The following LRRC74A variants were observed in gnomAD, a reference collection of about 807,000 sequenced individuals.
The protein encoded by LRRC74A is leucine rich repeat containing 74A.
A neutral mutation model predicts 57.9 loss-of-function variants in LRRC74A; 44 were observed. The ratio of observed to expected loss-of-function variants is 0.76; its 90% CI spans 0.60 to 0.98. The LOEUF (loss-of-function observed/expected upper bound fraction) is 0.98. Ranked by LOEUF, LRRC74A falls within the 50% of genes least tolerant of loss-of-function variation. LRRC74A has a pLI of 0.00. For missense variants in LRRC74A, 572 were observed against 574.0 expected, an observed-to-expected ratio of 1.00 and a Z score of 0.04; for synonymous variants, 211 against 219.4, an observed-to-expected ratio of 0.96 and a Z score of 0.34.
At chr14:76,840,540 C>T in intron 5 of LRRC74A, among the ~76,000 whole-genome samples, 1 of 150,458 alleles carries the variant, frequency 6.6e-6, no homozygotes. Flanking sequence ...TATAGGTTTC[C>T]TTCTAGAGTC....
intron 6 of LRRC74A, 66 bp downstream of exon 6, chr14:76,844,538 GC>G: frequency 6.8e-7 from 1 of 1,481,098 alleles, no homozygotes; most frequent in Non-Finnish European, 9.3e-7. Flanking sequence ...GCAACCTGGG[GC>G]TGCTATGGGC....
At chr14:76,867,461 T>TC in intron 13 of LRRC74A, 23 bp downstream of exon 13, 1 of 1,375,206 alleles carries the variant, frequency 7.3e-7, no homozygotes, top group Non-Finnish European at 1.0e-6. Flanking sequence ...CCCGCGACGA[T>TC]CCCCGTTCTC....
In LRRC74A at chr14:76,857,421, T is replaced by C; in HGVS notation, c.999T>C (p.Leu333=). 1 of 1,586,734 alleles carries C rather than the reference T, an allele frequency of 6.3e-7. No individual in the cohort carries two copies. The highest frequency in any genetic ancestry group is 8.6e-7 in the Non-Finnish European group (1 of 1,165,004). ...NPINMDGAIL[L]ILAIKRNPKS... ...TAAATATGGATGGGGCTATTTTACT[T>C]ATCCTGGCTATCAAGAGGAACCCCA... Residue 333 remains leucine, a synonymous_variant, in exon 10 of 14, where the codon CTT becomes CTC. Transcript: ENST00000689127.
chr14:76,864,076 A>C (rs534774565), intron 11 of LRRC74A, among the ~76,000 whole-genome samples: 42 of 152,342 alleles, frequency 2.8e-4, no homozygotes, highest in African/African-American at 9.6e-4. Flanking sequence ...CCTGCTGTGA[A>C]GAAACAGCAG....
In LRRC74A at chr14:76,853,249, A is replaced by G. The variant is rs1897635715; in HGVS notation, c.796A>G (p.Met266Val). 1 of 1,613,328 alleles carries G rather than the reference A, an allele frequency of 6.2e-7. No individual in the cohort carries two copies. Among genetic ancestry groups the G allele is most frequent in the Admixed American group, 1.7e-5 (1 of 59,988 alleles). ...NVTLTKLDLS[M>V]NGFGNEVALA... ...GACCCTGACAAAGCTGGATCTCTCC[A>G]TGAATGGCTTTGGGAATGAGGTGGC... is the stretch of plus-strand genomic sequence containing the variant. The change falls in exon 9 of 14, where the codon ATG (methionine) becomes GTG (valine). Residue 266 changes from methionine to valine, a missense_variant. Met to Val is a conservative substitution (Grantham distance 21, BLOSUM62 1). Transcript: ENST00000689127.
rs753616357 is a variant in LRRC74A at position 76,826,655 on chromosome 14, G to T, written c.-43G>T. The T allele has an allele frequency of 6.2e-7, 1 of 1,600,140 alleles. No individual in the cohort carries two copies. Among genetic ancestry groups the T allele is most frequent in the Non-Finnish European group, 8.5e-7 (1 of 1,173,772 alleles). Reference sequence around the variant, plus strand: ...TGCTTCTTAGGGAAGCAGTCGAGAGGTGGCAAGAAGTTGGCAGCTGCCCTC... The same window carrying T: ...TGCTTCTTAGGGAAGCAGTCGAGAGTTGGCAAGAAGTTGGCAGCTGCCCTC... On this transcript the variant is annotated 5_prime_UTR_variant, in exon 1 of 14. Coordinates refer to ENST00000689127, the MANE Select transcript of LRRC74A (RefSeq NM_001385106.1).
At chr14:76,832,637 G>A (rs1896050622) in intron 3 of LRRC74A, among the ~76,000 whole-genome samples, 1 of 152,114 alleles carries the variant, frequency 6.6e-6, no homozygotes, top group African/African-American at 2.4e-5. Context: ...GGATCTTGGA[G>A]GACAAGGGGC....
At chr14:76,862,608 A>G (rs1365878293) in intron 11 of LRRC74A, among the ~76,000 whole-genome samples, 1 of 152,188 alleles carries the variant, frequency 6.6e-6, no homozygotes, top group Non-Finnish European at 1.5e-5. Context: ...CAGAATCCAA[A>G]TAAGAGATCA....
At chr14:76,863,773 T>C (rs2140310740) in intron 11 of LRRC74A, among the ~76,000 whole-genome samples, 1 of 152,346 alleles carries the variant, frequency 6.6e-6, no homozygotes, top group South Asian at 2.1e-4. Flanking sequence ...TCAGGAGGGC[T>C]GAACAAACAG....
intron 5 of LRRC74A, among the ~76,000 whole-genome samples, chr14:76,842,865 C>T (rs926436964): frequency 1.3e-5 from 2 of 152,152 alleles, no homozygotes; most frequent in East Asian, 1.9e-4. Context: ...GAGCCATTTG[C>T]GTTGGTCACA....
intron 1 of LRRC74A, 26 bp downstream of exon 1, chr14:76,826,760 A>G: frequency 6.9e-7 from 1 of 1,444,592 alleles, no homozygotes; most frequent in Non-Finnish European, 9.3e-7. Flanking sequence ...ATCTCTCACC[A>G]CTCAGGCCCG....
intron 13 of LRRC74A, among the ~76,000 whole-genome samples, chr14:76,869,125 C>T (rs1162170400): frequency 6.6e-6 from 1 of 151,106 alleles, no homozygotes; most frequent in African/African-American, 2.4e-5. Context: ...TCACCTGCCC[C>T]GTGCCTCCTC....
chr14:76,831,103 G>C, intron 2 of LRRC74A, 100 bp from the exon 3 acceptor site: 3 of 1,199,072 alleles, frequency 2.5e-6, no homozygotes, highest in Non-Finnish European at 3.6e-6. Context: ...AGATCCTCTG[G>C]CAGAGGACAG....
chr14:76,862,871 C>T (rs1470280387), intron 11 of LRRC74A, among the ~76,000 whole-genome samples: 1 of 152,098 alleles, frequency 6.6e-6, no homozygotes, highest in Non-Finnish European at 1.5e-5. Flanking sequence ...AAGTGGCAGC[C>T]CTCAGATTTT....
intron 5 of LRRC74A, among the ~76,000 whole-genome samples, chr14:76,839,202 C>T (rs1595356710): frequency 1.3e-5 from 2 of 152,176 alleles, no homozygotes; most frequent in African/African-American, 4.8e-5. Context: ...TAGATCGACA[C>T]CCAGGAGCAC....
intron 7 of LRRC74A, among the ~76,000 whole-genome samples, chr14:76,849,908 T>A (rs576626143): frequency 1.2e-3 from 183 of 151,612 alleles, no homozygotes; most frequent in African/African-American, 4.3e-3. Flanking sequence ...AATCCTCATT[T>A]AAAAAAAACT....
chr14:76,867,171 GGT>G, intron 12 of LRRC74A, among the ~76,000 whole-genome samples, 183 bp from the exon 13 acceptor site: 1 of 28,646 alleles, frequency 3.5e-5, no homozygotes, highest in East Asian at 1.5e-3. Context: ...TGGGGTGTGT[GGT>G]AGTGTGTGTG....
chr14:76,836,132 C>A, intron 3 of LRRC74A, 75 bp from the exon 4 acceptor site: 2 of 1,094,792 alleles, frequency 1.8e-6, no homozygotes, highest in South Asian at 1.4e-5. Flanking sequence ...ACATGGCTGG[C>A]CCAGGGCGAG....
chr14:76,830,554 T>A (rs909612591), intron 2 of LRRC74A, among the ~76,000 whole-genome samples: 8 of 152,270 alleles, frequency 5.3e-5, no homozygotes, highest in Non-Finnish European at 1.2e-4. Context: ...AGGATGACAG[T>A]CCTTTTTATA....
Sources: allele counts gnomAD v4.1 joint callset (sites outside exome capture counted in the v4.1 genomes callset), GRCh38; gene constraint gnomAD v4.1.1; transcripts MANE v1.5; gene names NCBI Gene and HGNC (gene_info 2026-07-23, HGNC 2026-07-21).